The following GAPT variants were observed in gnomAD, a reference collection of about 807,000 sequenced individuals.
GAPT encodes GRB2 binding adaptor protein, transmembrane.
For synonymous variants in GAPT, 82 were observed against 69.7 expected, an observed-to-expected ratio of 1.18 and a Z score of -0.88; for missense variants, 206 against 189.2, an observed-to-expected ratio of 1.09 and a Z score of -0.52.
At chr5:58,491,842 G>A (rs868352755) in intron 1 of GAPT, among the ~76,000 whole-genome samples, 2 of 152,146 alleles carry the variant, frequency 1.3e-5, no homozygotes, top group African/African-American at 4.8e-5. Context: ...TAACCTGTTG[G>A]AACTGCTTTC....
intron 1 of GAPT, among the ~76,000 whole-genome samples, chr5:58,492,662 CAAATT>C (rs760752281): frequency 3.8e-4 from 58 of 152,168 alleles, no homozygotes; most frequent in Admixed American, 1.6e-3. Context: ...TATGAAATGT[CAAATT>C]AAATATTTGC....
chr5:58,494,723 G>A lies in GAPT; in HGVS notation c.187G>A (p.Gly63Ser), dbSNP rs1194928032. 1.9e-6 allele frequency: 3 copies of A among 1,613,916 alleles called. No homozygotes were observed. Among genetic ancestry groups the A allele is most frequent in the Admixed American group, 1.7e-5 (1 of 59,924 alleles). ...RRKVCTKTFL[G>S]PRIIGLRHEI... The stretch of plus-strand genomic sequence containing the variant: ...AAAAGTCTGTACTAAAACATTCTTG[G>A]GCCCCCGCATCATTGGCTTAAGGCA... Residue 63 changes from glycine to serine, a missense_variant, in exon 3 of 3, where the codon GGC becomes AGC. Transcript: ENST00000502276.
chr5:58,494,660 A>G lies in GAPT; in HGVS notation c.124A>G (p.Thr42Ala). Residue 42 changes from threonine to alanine, a missense_variant, in exon 3 of 3, where the codon ACC (threonine) becomes GCC (alanine). Coordinates refer to ENST00000502276, the MANE Select transcript of GAPT (RefSeq NM_001304431.2). ...GAAACACCGTGTTGCCACACGATTT[A>G]CCTTACCGAGGTTTTTACAAAGGAG... ...HWKHRVATRF[T>A]LPRFLQRRSS... 1 of 1,614,022 alleles carries G rather than the reference A, an allele frequency of 6.2e-7. No individual in the cohort carries two copies. Among genetic ancestry groups the G allele is most frequent in the Non-Finnish European group, 8.5e-7 (1 of 1,179,944 alleles).
At position 58,494,559 on chromosome 5, in the gene GAPT, A is replaced by C; in HGVS notation, c.23A>C (p.Asn8Thr). 1 of 1,611,310 alleles carries C rather than the reference A, an allele frequency of 6.2e-7. No individual in the cohort carries two copies. The change falls in exon 3 of 3, where the codon AAT becomes ACT. Residue 8 changes from asparagine (N) to threonine (T), a missense_variant. Physicochemically the swap from Asn to Thr is moderately conservative, Grantham distance 65. Coordinates refer to ENST00000502276, the MANE Select transcript of GAPT (RefSeq NM_001304431.2). MSKSCGN[N>T]LAAISVGISL... ...GAAATGTCGAAAAGCTGTGGAAATA[A>C]TTTAGCGGCCATTTCTGTAGGAATT...
At position 58,494,904 on chromosome 5, in the gene GAPT, A is replaced by G. The variant is rs368028174; in HGVS notation, c.368A>G (p.His123Arg). 3.7e-6 allele frequency: 6 copies of G among 1,613,922 alleles called. No homozygotes were observed. The highest frequency in any genetic ancestry group is 2.7e-5 in the African/African-American group (2 of 74,948). The change falls in exon 3 of 3, where the codon CAT becomes CGT. Residue 123 changes from histidine (H) to arginine (R), a missense_variant. Physicochemically the swap from His to Arg is conservative, Grantham distance 29 (BLOSUM62 0). Transcript: ENST00000502276. ...ENTGQSNFEEHIYGNETSSDY... is the reference protein window; with the variant it reads ...ENTGQSNFEERIYGNETSSDY... Reference sequence around the variant, plus strand: ...ACAGGGCAGTCTAATTTCGAGGAGCATATCTATGGAAATGAGACATCTTCT... The same window carrying G: ...ACAGGGCAGTCTAATTTCGAGGAGCGTATCTATGGAAATGAGACATCTTCT...
chr5:58,494,918 G>A lies in GAPT; in HGVS notation c.382G>A (p.Glu128Lys), dbSNP rs762043597. ...SNFEEHIYGN[E>K]TSSDYYNFQK... ...TTTCGAGGAGCATATCTATGGAAAT[G>A]AGACATCTTCTGACTATTATAACTT... The change falls in exon 3 of 3, where the codon GAG becomes AAG. Residue 128 changes from glutamate to lysine, a missense_variant. Glu to Lys is a moderately conservative substitution (Grantham distance 56). Transcript: ENST00000502276. 2.5e-6 allele frequency: 4 copies of A among 1,613,962 alleles called. No individual in the cohort carries two copies. The highest frequency in any genetic ancestry group is 1.7e-4 in the Middle Eastern group (1 of 6,060).
chr5:58,491,823 A>AT (rs772003450), intron 1 of GAPT, among the ~76,000 whole-genome samples: 20 of 152,220 alleles, frequency 1.3e-4, no homozygotes, highest in Non-Finnish European at 2.6e-4. Context: ...AAAATGTCAA[A>AT]TTGTTAGGTA....
rs976741003 is a variant in GAPT, at chr5:58,496,113, A to G, written c.*1103A>G. On this transcript the variant is annotated 3_prime_UTR_variant, in exon 3 of 3. Coordinates refer to ENST00000502276, the MANE Select transcript of GAPT (RefSeq NM_001304431.2). The stretch of plus-strand genomic sequence containing the variant: ...CGCATTTACCTTTTTATTTTCTGAT[A>G]TAAGCTTTGATGCCTCTTCAATTCT... The G allele has an allele frequency of 1.2e-5, 2 of 166,920 alleles. No individual in the cohort carries two copies. The highest frequency in any genetic ancestry group is 2.9e-5 in the Non-Finnish European group (2 of 68,114). The allele number at this position is 166,920 out of a possible 1,614,324, so 10.3% of individuals were successfully genotyped here. A position where few individuals can be genotyped will look rare whatever the true frequency, so the allele number is the denominator to read the frequency against.
chr5:58,495,285 C>A lies in GAPT; in HGVS notation c.*275C>A. The A allele has an allele frequency of 2.9e-6, 1 of 341,402 alleles. No individual in the cohort carries two copies. 21.1% of individuals were successfully genotyped at this position (341,402 alleles called of 1,614,324 possible). A position where few individuals can be genotyped will look rare whatever the true frequency, so the allele number is the denominator to read the frequency against. ...GAGGAACAACAGACACTGGGGCCTACTTGAGGGAGGACAGTGGAAGGAGGG... is the reference window on the plus strand; with the variant it reads ...GAGGAACAACAGACACTGGGGCCTAATTGAGGGAGGACAGTGGAAGGAGGG... On this transcript the variant is annotated 3_prime_UTR_variant, in exon 3 of 3. Transcript: ENST00000502276.
rs532347748 is a variant in GAPT, at chr5:58,491,462, G to A, written c.-498G>A. 1.4e-4 allele frequency: 22 copies of A among 152,258 alleles called. No homozygotes were observed. Among genetic ancestry groups the A allele is most frequent in the African/African-American group, 4.8e-4 (20 of 41,554 alleles). 9.4% of individuals were successfully genotyped at this position (152,258 alleles called of 1,614,324 possible). ...GGAAGTAACCCACCAAAGTGAAAAAGAGGAACAAGTTCTAACCCAATGCAG... is the reference window on the plus strand; with the variant it reads ...GGAAGTAACCCACCAAAGTGAAAAAAAGGAACAAGTTCTAACCCAATGCAG... On this transcript the variant is annotated 5_prime_UTR_variant, in exon 1 of 3. Coordinates refer to ENST00000502276, the MANE Select transcript of GAPT (RefSeq NM_001304431.2).
chr5:58,492,225 C>T (rs1744278182), intron 1 of GAPT, among the ~76,000 whole-genome samples: 1 of 152,114 alleles, frequency 6.6e-6, no homozygotes, highest in South Asian at 2.1e-4. Context: ...TTCCTCAACC[C>T]TCACCGTGAC....
At position 58,494,386 on chromosome 5, in the gene GAPT, C is replaced by A; in HGVS notation, c.-151C>A. The A allele has an allele frequency of 1.6e-6, 1 of 632,892 alleles. No individual in the cohort carries two copies. Among genetic ancestry groups the A allele is most frequent in the Non-Finnish European group, 2.7e-6 (1 of 366,736 alleles). 39.2% of individuals were successfully genotyped at this position (632,892 alleles called of 1,614,324 possible). A position where few individuals can be genotyped will look rare whatever the true frequency, so the allele number is the denominator to read the frequency against. ...ACTCTCTCCTCTAATTGCATCAGGACTTTACCAGATAATGTTCTTCCAGAT... is the reference window on the plus strand; with the variant it reads ...ACTCTCTCCTCTAATTGCATCAGGAATTTACCAGATAATGTTCTTCCAGAT... On this transcript the variant is annotated 5_prime_UTR_variant, in exon 3 of 3. Transcript: ENST00000502276.
rs374936717 is a variant in GAPT, at chr5:58,495,814, A to T, written c.*804A>T. The T allele has an allele frequency of 6.0e-6, 1 of 166,798 alleles. No homozygotes were observed. The highest frequency in any genetic ancestry group is 2.1e-4 in the South Asian group (1 of 4,834). The allele number at this position is 166,798 out of a possible 1,614,324, so 10.3% of individuals were successfully genotyped here. A position where few individuals can be genotyped will look rare whatever the true frequency, so the allele number is the denominator to read the frequency against. ...TTCAGAAAATATTCCTAACAGCCAC[A>T]TTATTTCTTTCACTTAAAATGTTTT... is the stretch of plus-strand genomic sequence containing the variant. On this transcript the variant is annotated 3_prime_UTR_variant, in exon 3 of 3. Transcript: ENST00000502276.
chr5:58,495,107 T>A lies in GAPT; in HGVS notation c.*97T>A. On this transcript the variant is annotated 3_prime_UTR_variant, in exon 3 of 3. Coordinates refer to ENST00000502276, the MANE Select transcript of GAPT (RefSeq NM_001304431.2). Reference sequence around the variant, plus strand: ...AATCAAACTAAATGTTGATCAACTGTAGACTGGATAAAGAAAATGTGGTAC... The same window carrying A: ...AATCAAACTAAATGTTGATCAACTGAAGACTGGATAAAGAAAATGTGGTAC... The A allele has an allele frequency of 1.4e-6, 1 of 731,900 alleles. No individual in the cohort carries two copies. Among genetic ancestry groups the A allele is most frequent in the Non-Finnish European group, 2.2e-6 (1 of 451,614 alleles). 45.3% of individuals were successfully genotyped at this position (731,900 alleles called of 1,614,324 possible).
chr5:58,493,618 G>A (rs1744330315), intron 1 of GAPT, 93 bp from the exon 2 acceptor site: 2 of 152,082 alleles, frequency 1.3e-5, no homozygotes, highest in Non-Finnish European at 2.9e-5. Context: ...TTCTGTGCTA[G>A]GTGTTGTGCC....
rs1258124946 is a variant in GAPT at position 58,491,437 on chromosome 5, G to A, written c.-523G>A. ...TAGCGTGAACGAAGGAGGGAAAGAA[G>A]GAAGTAACCCACCAAAGTGAAAAAG... is the stretch of plus-strand genomic sequence containing the variant. On this transcript the variant is annotated 5_prime_UTR_variant, in exon 1 of 3. Transcript: ENST00000502276. 6.6e-6 allele frequency: 1 copy of A among 152,078 alleles called. No homozygotes were observed. The highest frequency in any genetic ancestry group is 2.4e-5 in the African/African-American group (1 of 41,404). 9.4% of individuals were successfully genotyped at this position (152,078 alleles called of 1,614,324 possible). A position where few individuals can be genotyped will look rare whatever the true frequency, so the allele number is the denominator to read the frequency against.
Position 58,495,107 on chromosome 5 carries a change from T to C in GAPT, c.*97T>C, listed in dbSNP as rs1443649512. On this transcript the variant is annotated 3_prime_UTR_variant, in exon 3 of 3. Transcript: ENST00000502276. ...AATCAAACTAAATGTTGATCAACTG[T>C]AGACTGGATAAAGAAAATGTGGTAC... The C allele has an allele frequency of 4.1e-6, 3 of 731,782 alleles. No homozygotes were observed. The highest frequency in any genetic ancestry group is 5.3e-5 in the East Asian group (2 of 37,620). 45.3% of individuals were successfully genotyped at this position (731,782 alleles called of 1,614,324 possible). A position where few individuals can be genotyped will look rare whatever the true frequency, so the allele number is the denominator to read the frequency against.
rs965900732 is a variant in GAPT, at chr5:58,495,305, G to A, written c.*295G>A. 3 of 312,860 alleles carry A rather than the reference G, an allele frequency of 9.6e-6. No homozygotes were observed. Among genetic ancestry groups the A allele is most frequent in the Non-Finnish European group, 1.8e-5 (3 of 168,972 alleles). 19.4% of individuals were successfully genotyped at this position (312,860 alleles called of 1,614,324 possible). A position where few individuals can be genotyped will look rare whatever the true frequency, so the allele number is the denominator to read the frequency against. ...GCCTACTTGAGGGAGGACAGTGGAA[G>A]GAGGGAGAGGTTCAGGGAAAAAAAA... On this transcript the variant is annotated 3_prime_UTR_variant, in exon 3 of 3. Coordinates refer to ENST00000502276, the MANE Select transcript of GAPT (RefSeq NM_001304431.2).
Position 58,494,289 on chromosome 5 carries a change from T to A in GAPT, c.-248T>A, listed in dbSNP as rs111673717. On this transcript the variant is annotated 5_prime_UTR_variant, in exon 3 of 3. Transcript: ENST00000502276. ...AATAAAATCCCCCAATACAGTACAA[T>A]TATACATTAATGGCTGTAATGTGAA... is the stretch of plus-strand genomic sequence containing the variant. 11 of 428,226 alleles carry A rather than the reference T, an allele frequency of 2.6e-5. No individual in the cohort carries two copies. The highest frequency in any genetic ancestry group is 1.2e-4 in the African/African-American group (6 of 50,408). 26.5% of individuals were successfully genotyped at this position (428,226 alleles called of 1,614,324 possible).
Sources: allele counts gnomAD v4.1 joint callset (sites outside exome capture counted in the v4.1 genomes callset), GRCh38; gene constraint gnomAD v4.1.1; transcripts MANE v1.5; gene names NCBI Gene and HGNC (gene_info 2026-07-23, HGNC 2026-07-21).